The following MEGF10 variants were observed in gnomAD, a reference collection of about 807,000 sequenced individuals.
The protein encoded by MEGF10 is multiple epidermal growth factor-like domains protein 10.
In MEGF10, 86 loss-of-function variants were observed where a neutral mutation model predicts 147.5. The ratio of observed to expected loss-of-function variants is 0.58; its 90% CI spans 0.49 to 0.70. MEGF10 has a LOEUF of 0.70. Ranked by LOEUF, MEGF10 falls within the 30% of genes least tolerant of loss-of-function variation. The pLI is 0.00. For synonymous variants in MEGF10, 478 were observed against 525.5 expected (o/e 0.91, Z 1.24); for missense variants, 1,329 against 1,487.3 (o/e 0.89, Z 1.75).
chr5:127,261,697 C>A, the MEGF10 span, among the ~76,000 whole-genome samples: 1 of 152,148 alleles, frequency 6.6e-6, no homozygotes, highest in South Asian at 2.1e-4. Context: ...AAGCAGCTGC[C>A]CCATTTTACA....
chr5:127,259,061 T>A, the MEGF10 span, among the ~76,000 whole-genome samples: 12 of 152,190 alleles, frequency 7.9e-5, no homozygotes, highest in African/African-American at 1.7e-4. Flanking sequence ...CATTACAATA[T>A]AATTTACATT....
At chr5:127,289,541 A>C (rs1759144119), upstream of MEGF10, among the ~76,000 whole-genome samples, 1 of 152,164 alleles carries the variant, frequency 6.6e-6, no homozygotes, top group African/African-American at 2.4e-5. Flanking sequence ...TCAAAGAAAA[A>C]TGGAGGTACT....
chr5:127,433,403 C>T lies in MEGF10; in HGVS notation c.1734C>T (p.Gly578=), dbSNP rs1476139211. Reference sequence around the variant, plus strand: ...GCGTGTGTGCTGAGGGACGCTGGGGCCCCAACTGCTCCCTGCCCTGCTACT... The same window carrying T: ...GCGTGTGTGCTGAGGGACGCTGGGGTCCCAACTGCTCCCTGCCCTGCTACT... ...CDSVCAEGRW[G]PNCSLPCYCK... is the part of the protein sequence containing the mutation. Residue 578 remains glycine (G), a synonymous_variant, in exon 14 of 25, where the codon GGC becomes GGT. Transcript: ENST00000503335. 9 of 1,614,034 alleles carry T rather than the reference C, an allele frequency of 5.6e-6. No homozygotes were observed. Among genetic ancestry groups the T allele is most frequent in the Non-Finnish European group, 7.6e-6 (9 of 1,180,010 alleles).
At chr5:127,419,819 G>A (rs1344965168) in intron 11 of MEGF10, among the ~76,000 whole-genome samples, 3 of 152,232 alleles carry the variant, frequency 2.0e-5, no homozygotes, top group East Asian at 1.9e-4. Context: ...TGCAGTGCTG[G>A]CATCCTCGAC....
the MEGF10 span, among the ~76,000 whole-genome samples, chr5:127,257,719 C>T: frequency 6.6e-6 from 1 of 152,080 alleles, no homozygotes; most frequent in Non-Finnish European, 1.5e-5. Flanking sequence ...TTTTTCTGTA[C>T]CCCCAACACT....
chr5:127,301,415 T>C (rs1759766869), intron 1 of MEGF10, among the ~76,000 whole-genome samples: 1 of 152,076 alleles, frequency 6.6e-6, no homozygotes, highest in South Asian at 2.1e-4. Context: ...AAAAGAGAGT[T>C]TGGGGCCCTT....
intron 1 of MEGF10, among the ~76,000 whole-genome samples, chr5:127,318,816 C>T (rs1378805693): frequency 6.6e-6 from 1 of 152,112 alleles, no homozygotes; most frequent in Non-Finnish European, 1.5e-5. Flanking sequence ...CAAACTCAAA[C>T]TCCTTTCCCA....
At chr5:127,331,250 AT>A (rs1342800182) in intron 1 of MEGF10, 40 bp from the exon 2 acceptor site, 1 of 1,049,454 alleles carries the variant, frequency 9.5e-7, no homozygotes, top group Admixed American at 1.8e-5. Flanking sequence ...TGTGTGAGTC[AT>A]TTCAATGCAT....
intron 5 of MEGF10, among the ~76,000 whole-genome samples, chr5:127,396,139 T>A (rs17164979): frequency 0.17 from 25,567 of 152,048 alleles, 2,293 homozygotes; most frequent in African/African-American, 0.23. Flanking sequence ...CTTAATATGC[T>A]AAAAAGTCCC....
chr5:127,264,920 T>A, the MEGF10 span, among the ~76,000 whole-genome samples: 66 of 132,462 alleles, frequency 5.0e-4, no homozygotes, highest in African/African-American at 2.0e-3. Flanking sequence ...TACCCAGGTA[T>A]TTTTTTTTTT....
At chr5:127,422,633 G>A in intron 12 of MEGF10, 37 bp from the exon 13 acceptor site, 2 of 1,533,798 alleles carry the variant, frequency 1.3e-6, no homozygotes, top group South Asian at 1.1e-5. Context: ...GATTTCCCAG[G>A]CCCTCATTGC....
chr5:127,388,541 A>C (rs1763524445), intron 5 of MEGF10, among the ~76,000 whole-genome samples: 1 of 148,406 alleles, frequency 6.7e-6, no homozygotes, highest in Non-Finnish European at 1.5e-5. Context: ...TTATTTATTT[A>C]TTTATTTATT....
chr5:127,433,844 T>A (rs1290330878), intron 14 of MEGF10, among the ~76,000 whole-genome samples: 3 of 152,248 alleles, frequency 2.0e-5, no homozygotes, highest in African/African-American at 4.8e-5. Flanking sequence ...TGTAAATATG[T>A]TATTCAGCAG....
the MEGF10 span, among the ~76,000 whole-genome samples, chr5:127,269,597 C>T: frequency 6.6e-6 from 1 of 152,100 alleles, no homozygotes; most frequent in Admixed American, 6.6e-5. Flanking sequence ...TGTGAAAAGA[C>T]CAAATCTATG....
At chr5:127,336,753 G>A (rs1442417727) in intron 2 of MEGF10, among the ~76,000 whole-genome samples, 1 of 152,118 alleles carries the variant, frequency 6.6e-6, no homozygotes, top group East Asian at 1.9e-4. Context: ...AGCTAAATTA[G>A]TACTGTAGAG....
chr5:127,342,336 C>T (rs17839696), intron 4 of MEGF10, among the ~76,000 whole-genome samples: 7,731 of 152,192 alleles, frequency 0.051, 222 homozygotes, highest in Non-Finnish European at 0.068. Flanking sequence ...CAAGCACAAC[C>T]ATCAACATAC....
chr5:127,388,746 C>T (rs947142714), intron 5 of MEGF10, among the ~76,000 whole-genome samples: 1 of 151,556 alleles, frequency 6.6e-6, no homozygotes, highest in East Asian at 2.0e-4. Flanking sequence ...AGAGTTTCAC[C>T]GTGTTAGCCA....
chr5:127,246,305 G>C, the MEGF10 span, among the ~76,000 whole-genome samples: 1 of 152,016 alleles, frequency 6.6e-6, no homozygotes, highest in African/African-American at 2.4e-5. Context: ...TTCTTTGCCA[G>C]AACATGGATG....
chr5:127,337,984 A>AT (rs1761530734), intron 2 of MEGF10, among the ~76,000 whole-genome samples: 1 of 152,122 alleles, frequency 6.6e-6, no homozygotes, highest in African/African-American at 2.4e-5. Flanking sequence ...GAATAGTACG[A>AT]TTACTTCATG....
Sources: allele counts gnomAD v4.1 joint callset (sites outside exome capture counted in the v4.1 genomes callset), GRCh38; gene constraint gnomAD v4.1.1; transcripts MANE v1.5; gene names NCBI Gene and HGNC (gene_info 2026-07-23, HGNC 2026-07-21).